The following PLS1 variants were observed in gnomAD, a reference collection of about 807,000 sequenced individuals.
The protein encoded by PLS1 is plastin-1.
In PLS1, 32 loss-of-function variants were observed where a neutral mutation model predicts 73.7. The observed-to-expected ratio is 0.43, with a 90% CI of 0.33 to 0.58. The LOEUF is 0.58. Among genes scored for constraint, PLS1 ranks in the 20% least tolerant of loss-of-function variants. The pLI, the probability that PLS1 is intolerant of heterozygous loss-of-function variation, is 0.04. For missense variants in PLS1, 633 were observed against 740.5 expected (o/e 0.85, Z 1.68); for synonymous variants, 217 against 261.3 (o/e 0.83, Z 1.63).
chr3:142,683,556 C>T (rs746234900), intron 6 of PLS1, among the ~76,000 whole-genome samples: 2 of 152,112 alleles, frequency 1.3e-5, no homozygotes, highest in Admixed American at 6.5e-5. Flanking sequence ...GGGATCAGAC[C>T]CCGGCCTTTC....
chr3:142,704,424 A>T, intron 13 of PLS1, 39 bp from the exon 14 acceptor site: 1 of 1,541,324 alleles, frequency 6.5e-7, no homozygotes, highest in Non-Finnish European at 8.8e-7. Flanking sequence ...AGCAAATTTC[A>T]CCCTTTTCAG....
intron 1 of PLS1, among the ~76,000 whole-genome samples, chr3:142,630,938 AAC>A (rs140962182): frequency 1.4e-3 from 199 of 137,270 alleles, no homozygotes; most frequent in Middle Eastern, 0.011. Context: ...CATGTAAATA[AAC>A]ACACACACAC....
At chr3:142,647,014 G>C (rs895464844) in intron 1 of PLS1, among the ~76,000 whole-genome samples, 1 of 152,130 alleles carries the variant, frequency 6.6e-6, no homozygotes, top group African/African-American at 2.4e-5. Context: ...ATGCATTTTT[G>C]ACCTATTCGG....
chr3:142,644,498 C>T (rs1404665698), intron 1 of PLS1, among the ~76,000 whole-genome samples: 2 of 152,172 alleles, frequency 1.3e-5, no homozygotes, highest in Admixed American at 6.5e-5. Flanking sequence ...AGCGATACTC[C>T]TGCCTTGGCC....
chr3:142,695,752 G>A (rs1210423354), intron 11 of PLS1, among the ~76,000 whole-genome samples: 3 of 147,102 alleles, frequency 2.0e-5, no homozygotes, highest in Admixed American at 6.9e-5. Context: ...AGAATAGTAA[G>A]GAGACTTACT....
intron 1 of PLS1, among the ~76,000 whole-genome samples, chr3:142,646,413 C>T (rs144042544): frequency 7.5e-4 from 114 of 152,288 alleles, no homozygotes; most frequent in Non-Finnish European, 1.3e-3. Flanking sequence ...ATTCTTAGGA[C>T]GGCATGCTTG....
intron 1 of PLS1, among the ~76,000 whole-genome samples, chr3:142,629,763 A>C (rs1387724962): frequency 6.6e-6 from 1 of 152,216 alleles, no homozygotes; most frequent in Admixed American, 6.5e-5. Flanking sequence ...GCCCACAGAC[A>C]GTGTGGTTTC....
chr3:142,599,421 C>T (rs941964814), intron 1 of PLS1, among the ~76,000 whole-genome samples: 67 of 147,790 alleles, frequency 4.5e-4, no homozygotes, highest in Admixed American at 5.4e-4. Flanking sequence ...GCTCCGCTTC[C>T]CAGGTTCACG....
intron 1 of PLS1, among the ~76,000 whole-genome samples, chr3:142,605,995 G>A (rs191216661): frequency 2.0e-5 from 3 of 152,262 alleles, no homozygotes; most frequent in Admixed American, 2.0e-4. Context: ...TTTCTGCAAG[G>A]TTACTATAAG....
rs531953552 is a variant in PLS1 at position 142,630,297 on chromosome 3, T to G, written c.-37+33788T>G. Among the ~76,000 whole-genome samples, 22 of 151,674 alleles carry G rather than the reference T, an allele frequency of 1.5e-4. 1 individual carries two copies. In the South Asian group the frequency reaches 4.6e-3, roughly 32 times the overall value. On this transcript the variant is annotated intron_variant, in intron 1 of 15. Coordinates refer to ENST00000457734, the MANE Select transcript of PLS1 (RefSeq NM_001145319.2). Reference sequence around the variant, plus strand: ...CTATCGGGGCGTGGTGGCAGGTGCCTGTAATACCAGCTGCTCAGGGGGCTG... The same window carrying G: ...CTATCGGGGCGTGGTGGCAGGTGCCGGTAATACCAGCTGCTCAGGGGGCTG...
At chr3:142,704,815 A>ATT (rs375093448) in intron 14 of PLS1, among the ~76,000 whole-genome samples, 1 of 133,480 alleles carries the variant, frequency 7.5e-6, no homozygotes, top group Non-Finnish European at 1.6e-5. Flanking sequence ...CACCCGGCTA[A>ATT]TTTTTTTTTT....
At chr3:142,650,143 A>G (rs2037051020) in intron 1 of PLS1, among the ~76,000 whole-genome samples, 1 of 151,248 alleles carries the variant, frequency 6.6e-6, no homozygotes, top group Admixed American at 6.6e-5. Flanking sequence ...TGAATTCATG[A>G]CTACCCTGCC....
chr3:142,704,748 A>G (rs1433902858), intron 14 of PLS1, among the ~76,000 whole-genome samples, 162 bp downstream of exon 14: 2 of 139,996 alleles, frequency 1.4e-5, no homozygotes, highest in Non-Finnish European at 3.0e-5. Flanking sequence ...TCCCAGGTTC[A>G]CACCATTCTC....
chr3:142,675,778 A>G (rs7648354), intron 4 of PLS1, among the ~76,000 whole-genome samples: 95,172 of 151,794 alleles, frequency 0.63, 30,701 homozygotes, highest in African/African-American at 0.76. Flanking sequence ...CGGTTCAAGC[A>G]ATCCTGAAGC....
At chr3:142,638,034 G>A (rs1229122145) in intron 1 of PLS1, among the ~76,000 whole-genome samples, 4 of 152,208 alleles carry the variant, frequency 2.6e-5, no homozygotes, top group African/African-American at 4.8e-5. Context: ...GAGTGTAGGG[G>A]CCCAGGGGAT....
rs746572387 is a variant in PLS1 at position 142,678,084 on chromosome 3, A to C, written c.550A>C (p.Lys184Gln). ...PDTIDERAIN[K>Q]KKLTPFTISE... ...TACAATTGATGAAAGAGCCATCAAT[A>C]AGAAAAAGCTCACGCCATTCACTAT... is the stretch of plus-strand genomic sequence containing the variant. Residue 184 changes from lysine (K) to glutamine (Q), a missense_variant, in exon 6 of 16, where the codon AAG becomes CAG. Transcript: ENST00000457734. 40 of 1,553,210 alleles carry C rather than the reference A, an allele frequency of 2.6e-5. No homozygotes were observed. The highest frequency in any genetic ancestry group is 3.4e-5 in the Non-Finnish European group (39 of 1,143,750).
intron 14 of PLS1, among the ~76,000 whole-genome samples, chr3:142,705,062 C>T (rs1039384887): frequency 6.6e-6 from 1 of 151,892 alleles, no homozygotes; most frequent in East Asian, 1.9e-4. Context: ...ATTATTTGGC[C>T]TGTGTAAACT....
At chr3:142,698,097 G>A in intron 12 of PLS1, 30 bp downstream of exon 12, 2 of 1,188,574 alleles carry the variant, frequency 1.7e-6, no homozygotes, top group Non-Finnish European at 2.5e-6. Flanking sequence ...TGGATATATT[G>A]TTATTGTTCT....
intron 1 of PLS1, among the ~76,000 whole-genome samples, chr3:142,644,468 G>T (rs745935472): frequency 6.6e-6 from 1 of 151,852 alleles, no homozygotes; most frequent in East Asian, 1.9e-4. Context: ...GTCCAGGCTC[G>T]TCTCAAACTC....
Sources: gnomAD v4.1 joint callset for allele counts (sites outside exome capture counted in the v4.1 genomes callset) on GRCh38, gnomAD v4.1.1 for gene constraint, MANE v1.5 for transcripts, NCBI Gene and HGNC (gene_info 2026-07-23, HGNC 2026-07-21) for gene names.